WDR64: variants seen among roughly 807,000 people sequenced by gnomAD.
WDR64 encodes WD repeat-containing protein 64.
Under a neutral mutation model 139.3 loss-of-function variants are expected in WDR64, and 112 were observed. The observed-to-expected ratio is 0.80, with a 90% confidence interval of 0.69 to 0.94. The LOEUF (loss-of-function observed/expected upper bound fraction) is 0.94. Among genes scored for constraint, WDR64 ranks in the 40% least tolerant of loss-of-function variants. The pLI, the probability that WDR64 is intolerant of heterozygous loss-of-function variation, is 0.00. For missense variants in WDR64, 1,206 were observed against 1,293.1 expected (o/e 0.93, Z 1.03); for synonymous variants, 444 against 437.7 (o/e 1.01, Z -0.18).
chr1:241,741,438 C>A (rs1277921908), intron 11 of WDR64, 78 bp from the exon 12 acceptor site: 3 of 1,371,394 alleles, frequency 2.2e-6, no homozygotes, highest in Admixed American at 2.6e-5. Flanking sequence ...GTTTCCAAAC[C>A]CAACTGCTTG....
At chr1:241,789,339 A>G (rs1659148415) in intron 24 of WDR64, among the ~76,000 whole-genome samples, 1 of 152,200 alleles carries the variant, frequency 6.6e-6, no homozygotes, top group African/African-American at 2.4e-5. Context: ...GAAAATGTTA[A>G]ACAGAAATAT....
chr1:241,659,827 G>A (rs937562224), intron 1 of WDR64, among the ~76,000 whole-genome samples: 1 of 152,104 alleles, frequency 6.6e-6, no homozygotes, highest in Non-Finnish European at 1.5e-5. Flanking sequence ...CAGATGGATA[G>A]ATTGCAAAAA....
At chr1:241,758,221 T>C (rs1485799796) in intron 15 of WDR64, among the ~76,000 whole-genome samples, 1 of 151,102 alleles carries the variant, frequency 6.6e-6, no homozygotes, top group Admixed American at 6.6e-5. Context: ...GGTGGCTTAA[T>C]TGACTACAAC....
chr1:241,683,148 G>A (rs886592755), intron 6 of WDR64, among the ~76,000 whole-genome samples: 1 of 152,138 alleles, frequency 6.6e-6, no homozygotes, highest in African/African-American at 2.4e-5. Flanking sequence ...CAACAGTCTG[G>A]TAACACCTGA....
At chr1:241,750,195 G>A (rs1454387607) in intron 14 of WDR64, among the ~76,000 whole-genome samples, 2 of 152,164 alleles carry the variant, frequency 1.3e-5, no homozygotes, top group Non-Finnish European at 1.5e-5. Flanking sequence ...TGTTTGGGGA[G>A]GATTGAGGTA....
At position 241,703,464 on chromosome 1, in the gene WDR64, T is replaced by TC. The variant is rs544911604; in HGVS notation, c.975-8338_975-8337insC. Among the ~76,000 whole-genome samples the TC allele has an allele frequency of 2.0e-5, 3 of 151,994 alleles. No individual in the cohort carries two copies. Among genetic ancestry groups the TC allele is most frequent in the Admixed American group, 2.0e-4 (3 of 15,258 alleles). ...GATAGGGGACTCTATCAAAAAGTTTTTTTTTTTTTTCTGTTTTGAAGAAAC... is the reference window on the plus strand; with the variant it reads ...GATAGGGGACTCTATCAAAAAGTTTTCTTTTTTTTTTCTGTTTTGAAGAAAC... On this transcript the variant is annotated intron_variant, in intron 8 of 27. Coordinates refer to ENST00000437684, the MANE Select transcript of WDR64 (RefSeq NM_001367482.1). This position sits in a 1 kb window ranked among gnomAD's most constrained non-coding sequence, Gnocchi z 5.9.
At chr1:241,684,819 G>A (rs1190193227) in intron 7 of WDR64, among the ~76,000 whole-genome samples, 7 of 152,078 alleles carry the variant, frequency 4.6e-5, no homozygotes, top group Non-Finnish European at 8.8e-5. Flanking sequence ...GTTCAGTGGC[G>A]CAGTCTCGGC....
intron 9 of WDR64, among the ~76,000 whole-genome samples, chr1:241,714,232 A>T (rs1375345252): frequency 6.6e-6 from 1 of 152,216 alleles, no homozygotes; most frequent in Non-Finnish European, 1.5e-5. Flanking sequence ...ACAAACAAAC[A>T]TCAAGAAAGT....
At chr1:241,675,014 T>TCCCTCCC in intron 4 of WDR64, among the ~76,000 whole-genome samples, 5 of 29,924 alleles carry the variant, frequency 1.7e-4, no homozygotes, top group Non-Finnish European at 4.6e-4. Context: ...TCTTCCTTCC[T>TCCCTCCC]TTCTTCTTCC....
chr1:241,736,540 CA>C (rs1489217688), intron 10 of WDR64, among the ~76,000 whole-genome samples: 2 of 151,650 alleles, frequency 1.3e-5, no homozygotes, highest in African/African-American at 4.9e-5. Flanking sequence ...TTTGGAAATG[CA>C]AAACACTTCG....
rs567749866 is a variant in WDR64 at position 241,798,685 on chromosome 1, G to C, written c.3192+2315G>C. 2.0e-5 allele frequency among the ~76,000 whole-genome samples: 3 copies of C among 152,294 alleles called. No homozygotes were observed. The South Asian group carries it at 6.2e-4, about 32-fold the overall frequency. ...TCCCCTGCACTGTTCTGGGCACCAG[G>C]AATCCATTTATAGATTAAGGAACTT... On this transcript the variant is annotated intron_variant, in intron 27 of 27. Transcript: ENST00000437684.
At chr1:241,784,375 C>T (rs1658957872) in intron 23 of WDR64, among the ~76,000 whole-genome samples, 1 of 152,140 alleles carries the variant, frequency 6.6e-6, no homozygotes, top group Non-Finnish European at 1.5e-5. Flanking sequence ...GGAGTGGTAA[C>T]AGCCTGGAAA....
chr1:241,758,648 C>G (rs1670304357), intron 15 of WDR64, among the ~76,000 whole-genome samples: 2 of 152,102 alleles, frequency 1.3e-5, no homozygotes, highest in Non-Finnish European at 2.9e-5. Flanking sequence ...TAATTTGCTA[C>G]TATTATTATT....
At chr1:241,655,248 TG>T (rs2148048071) in intron 1 of WDR64, among the ~76,000 whole-genome samples, 1 of 152,158 alleles carries the variant, frequency 6.6e-6, no homozygotes, top group Non-Finnish European at 1.5e-5. Context: ...CTGGGCATGG[TG>T]ACGTGTGCCT....
chr1:241,760,330 C>CATAT (rs770379173), intron 15 of WDR64, among the ~76,000 whole-genome samples: 1 of 148,708 alleles, frequency 6.7e-6, no homozygotes, highest in African/African-American at 2.5e-5. Context: ...AACAAATAGC[C>CATAT]ATATATATAT....
At chr1:241,794,504 GTTT>G (rs11419039) in intron 25 of WDR64, among the ~76,000 whole-genome samples, 1 of 81,456 alleles carries the variant, frequency 1.2e-5, no homozygotes, top group African/African-American at 4.3e-5. Flanking sequence ...AAGCTTTACT[GTTT>G]TTTTTTTTTT....
rs35435449 is a variant in WDR64 at position 241,790,703 on chromosome 1, TAA to T, written c.2997+24_2997+25del. Reference sequence around the variant, plus strand: ...GTCTCTTTCTTCTCCTAAGGTAGCTTAAAAAAAAAAAAAAAAAAGAAATGGCA... The same window carrying T: ...GTCTCTTTCTTCTCCTAAGGTAGCTTAAAAAAAAAAAAAAAAGAAATGGCA... On this transcript the variant is annotated splice_region_variant and intron_variant, in intron 25 of 27. Coordinates refer to ENST00000437684, the MANE Select transcript of WDR64 (RefSeq NM_001367482.1). 0.17 allele frequency: 215,084 copies of T among 1,239,496 alleles called. 23 individuals carry two copies. Among genetic ancestry groups the T allele is most frequent in the South Asian group, 0.19 (13,039 of 67,782 alleles). The allele number at this position is 1,239,496 out of a possible 1,614,324, so 76.8% of individuals were successfully genotyped here.
chr1:241,677,410 ACAGCT>A, intron 4 of WDR64: 1 of 398,550 alleles, frequency 2.5e-6, no homozygotes, highest in African/African-American at 2.1e-5. Context: ...GCCATGACTA[ACAGCT>A]TTAGTGATCT....
At chr1:241,698,431 C>T (rs965488169) in intron 8 of WDR64, among the ~76,000 whole-genome samples, 11 of 152,090 alleles carry the variant, frequency 7.2e-5, no homozygotes, top group Admixed American at 2.0e-4. Context: ...CCTGTCAAAA[C>T]GATTGTTCAT....
Sources: allele counts gnomAD v4.1 joint callset (sites outside exome capture counted in the v4.1 genomes callset), GRCh38; gene constraint gnomAD v4.1.1; non-coding constraint Gnocchi (gnomAD v3.1); transcripts MANE v1.5; gene names NCBI Gene and HGNC (gene_info 2026-07-23, HGNC 2026-07-21).